The following CTNNA2 variants were observed in gnomAD, a reference collection of about 807,000 sequenced individuals.
CTNNA2 encodes the protein catenin alpha-2.
In CTNNA2, 42 loss-of-function variants were observed where a neutral mutation model predicts 101.0. The observed-to-expected ratio is 0.42, with a 90% CI of 0.32 to 0.54. CTNNA2 has a LOEUF of 0.54. Ranked by LOEUF, CTNNA2 falls within the 20% of genes least tolerant of loss-of-function variation. The probability of loss-of-function intolerance (pLI) is 0.14; values close to 1 mark genes in which losing one functional copy is unlikely to be tolerated. For synonymous variants in CTNNA2, 450 were observed against 456.4 expected, an observed-to-expected ratio of 0.99 and a Z score of 0.18; for missense variants, 871 against 1,223.1, an observed-to-expected ratio of 0.71 and a Z score of 4.29.
At chr2:80,111,979 A>G (rs1701239252) in intron 7 of CTNNA2, among the ~76,000 whole-genome samples, 1 of 152,224 alleles carries the variant, frequency 6.6e-6, no homozygotes, top group African/African-American at 2.4e-5. Flanking sequence ...CTAGGCACTG[A>G]TGATACCTAG....
chr2:80,635,991 G>A (rs200218516), intron 18 of CTNNA2, among the ~76,000 whole-genome samples: 3 of 35,806 alleles, frequency 8.4e-5, no homozygotes, highest in Admixed American at 2.8e-4. Context: ...TTTTTTTTTT[G>A]ATATATATCT....
chr2:80,130,052 C>A (rs1167928629), intron 7 of CTNNA2, among the ~76,000 whole-genome samples: 1 of 151,914 alleles, frequency 6.6e-6, no homozygotes, highest in Non-Finnish European at 1.5e-5. Context: ...CTAACCTGAT[C>A]AAAAGAAGAA....
intron 1 of CTNNA2, among the ~76,000 whole-genome samples, chr2:79,650,800 C>T (rs1681188534): frequency 8.5e-6 from 1 of 117,758 alleles, no homozygotes; most frequent in Non-Finnish European, 1.7e-5. Context: ...CCCCACCCCA[C>T]AACAGTCCCC....
At chr2:79,241,986 A>C (rs551543804) in intron 2 of CTNNA2, among the ~76,000 whole-genome samples, 1 of 151,926 alleles carries the variant, frequency 6.6e-6, no homozygotes, top group African/African-American at 2.4e-5. Flanking sequence ...GCTCACTGCA[A>C]GCTCCACCTC....
intron 4 of CTNNA2, among the ~76,000 whole-genome samples, chr2:79,480,575 A>G (rs1001138659): frequency 2.0e-5 from 3 of 152,078 alleles, no homozygotes; most frequent in African/African-American, 7.2e-5. Context: ...CATCTTCTAC[A>G]TTTGTTATCT....
chr2:79,915,351 T>C (rs988678740), intron 7 of CTNNA2, among the ~76,000 whole-genome samples: 5 of 106,156 alleles, frequency 4.7e-5, no homozygotes, highest in African/African-American at 1.5e-4. Flanking sequence ...GCTTATTTTT[T>C]ATAAAATGGA....
chr2:79,934,138 G>T (rs1488643780), intron 7 of CTNNA2, among the ~76,000 whole-genome samples: 2 of 152,162 alleles, frequency 1.3e-5, no homozygotes, highest in East Asian at 3.9e-4. Context: ...TGCCTATATG[G>T]TCTGAAAAAC....
chr2:80,487,952 A>G (rs1011537195), intron 9 of CTNNA2, among the ~76,000 whole-genome samples: 1 of 152,196 alleles, frequency 6.6e-6, no homozygotes, highest in Non-Finnish European at 1.5e-5. Context: ...TTCATTGTAT[A>G]GAAGTTCTTA....
intron 7 of CTNNA2, among the ~76,000 whole-genome samples, chr2:79,933,684 A>G (rs1171935209): frequency 6.6e-6 from 1 of 152,082 alleles, no homozygotes; most frequent in Non-Finnish European, 1.5e-5. Flanking sequence ...CGAACTCCTG[A>G]CCTCAGGTGA....
At chr2:80,333,510 G>A (rs1671521826) in intron 7 of CTNNA2, among the ~76,000 whole-genome samples, 1 of 152,176 alleles carries the variant, frequency 6.6e-6, no homozygotes, top group Non-Finnish European at 1.5e-5. Flanking sequence ...CGTATAAGAG[G>A]ATTTCAGGAA....
intron 7 of CTNNA2, among the ~76,000 whole-genome samples, chr2:80,273,329 A>G (rs1199632440): frequency 1.3e-5 from 2 of 152,124 alleles, no homozygotes; most frequent in Admixed American, 6.6e-5. Flanking sequence ...TCAAAATATA[A>G]GCTGAATCTG....
intron 4 of CTNNA2, among the ~76,000 whole-genome samples, chr2:79,425,739 GA>G (rs1678586324): frequency 6.6e-6 from 1 of 152,056 alleles, no homozygotes; most frequent in South Asian, 2.1e-4. Flanking sequence ...TATACGAAAG[GA>G]TTTGCTTGCG....
At chr2:79,480,451 A>T (rs766936103) in intron 4 of CTNNA2, among the ~76,000 whole-genome samples, 4 of 152,168 alleles carry the variant, frequency 2.6e-5, no homozygotes, top group Non-Finnish European at 4.4e-5. Context: ...GAAGACTCAG[A>T]TCTTTCTTCA....
At chr2:80,555,169 C>T (rs1378686708) in intron 11 of CTNNA2, among the ~76,000 whole-genome samples, 1 of 143,058 alleles carries the variant, frequency 7.0e-6, no homozygotes, top group Non-Finnish European at 1.5e-5. Flanking sequence ...ATTTATTTTT[C>T]CTCAAATGTT....
intron 7 of CTNNA2, among the ~76,000 whole-genome samples, chr2:80,316,202 A>C (rs1475980131): frequency 6.6e-6 from 1 of 152,182 alleles, no homozygotes; most frequent in Non-Finnish European, 1.5e-5. Context: ...ATAGCTAGAG[A>C]GAGAGGATAT....
chr2:80,447,731 G>A (rs1188679041), intron 9 of CTNNA2, among the ~76,000 whole-genome samples: 1 of 151,700 alleles, frequency 6.6e-6, no homozygotes. Flanking sequence ...ATCCCTTGAT[G>A]TACCCAACCT....
chr2:80,070,354 C>A (rs1698249256), intron 7 of CTNNA2, among the ~76,000 whole-genome samples: 1 of 152,136 alleles, frequency 6.6e-6, no homozygotes, highest in Non-Finnish European at 1.5e-5. Context: ...CCTGTGGCTG[C>A]TGTAACACAT....
chr2:79,232,845 C>T (rs1674512757), intron 2 of CTNNA2, among the ~76,000 whole-genome samples: 1 of 152,064 alleles, frequency 6.6e-6, no homozygotes, highest in African/African-American at 2.4e-5. Context: ...CATAAATAAT[C>T]CCCGAGGATA....
chr2:80,337,394 T>TA (rs372178967), intron 7 of CTNNA2, among the ~76,000 whole-genome samples: 58 of 142,824 alleles, frequency 4.1e-4, no homozygotes, highest in South Asian at 1.4e-3. Context: ...GTAAACGGGA[T>TA]AAAAAAAAAA....
Sources: gnomAD v4.1 joint callset for allele counts (sites outside exome capture counted in the v4.1 genomes callset) on GRCh38, gnomAD v4.1.1 for gene constraint, MANE v1.5 for transcripts, NCBI Gene and HGNC (gene_info 2026-07-23, HGNC 2026-07-21) for gene names.